Variants in NRG3 observed in about 807,000 individuals in gnomAD.
The protein encoded by NRG3 is pro-neuregulin-3, membrane-bound isoform.
In NRG3, 31 loss-of-function variants were observed where a neutral mutation model predicts 66.9. That is an observed-to-expected ratio of 0.46 (90% CI 0.35 to 0.63). The LOEUF (loss-of-function observed/expected upper bound fraction) is 0.63, where lower values mean the gene tolerates loss of function less well. NRG3 is among the 20% of genes least tolerant of loss of function. The pLI, the probability that NRG3 is intolerant of heterozygous loss-of-function variation, is 0.00. For missense variants in NRG3, 910 were observed against 878.9 expected (o/e 1.04, Z -0.45); for synonymous variants, 393 against 359.4 (o/e 1.09, Z -1.06).
At chr10:82,561,683 A>G (rs1418932586) in intron 2 of NRG3, among the ~76,000 whole-genome samples, 2 of 152,140 alleles carry the variant, frequency 1.3e-5, no homozygotes, top group Admixed American at 6.6e-5. Flanking sequence ...TAACCCTTGA[A>G]TTTCAAGAAA....
chr10:82,468,353 T>TGGAAGTGTCAGACCTTTAGA (rs60250775), intron 2 of NRG3, among the ~76,000 whole-genome samples: 49,023 of 151,022 alleles, frequency 0.32, 9,141 homozygotes, highest in African/African-American at 0.5. Context: ...TGAATTTATA[T>TGGAAGTGTCAGACCTTTAGA]GGAAGTGTCA....
intron 1 of NRG3, among the ~76,000 whole-genome samples, chr10:82,017,084 C>T (rs1443042764): frequency 2.6e-5 from 4 of 152,138 alleles, no homozygotes; most frequent in African/African-American, 9.7e-5. Context: ...TCCCTCTCCC[C>T]TCTCCCCACC....
chr10:82,896,859 A>C (rs1843705017), intron 4 of NRG3, among the ~76,000 whole-genome samples: 1 of 152,226 alleles, frequency 6.6e-6, no homozygotes, highest in Non-Finnish European at 1.5e-5. Flanking sequence ...ATGGAATTGC[A>C]TTTTAAAGAA....
intron 3 of NRG3, among the ~76,000 whole-genome samples, chr10:82,849,548 G>C (rs1281949840): frequency 6.6e-6 from 1 of 152,132 alleles, no homozygotes; most frequent in African/African-American, 2.4e-5. Context: ...ATTGTTAGGA[G>C]TAAAGAAAAG....
At chr10:82,473,664 T>C (rs1841485654) in intron 2 of NRG3, among the ~76,000 whole-genome samples, 1 of 152,152 alleles carries the variant, frequency 6.6e-6, no homozygotes, top group Non-Finnish European at 1.5e-5. Context: ...TTCAGCACAG[T>C]ATGAGGGAGT....
chr10:82,641,621 A>C (rs189638921), intron 2 of NRG3, among the ~76,000 whole-genome samples: 2 of 152,172 alleles, frequency 1.3e-5, no homozygotes, highest in Non-Finnish European at 2.9e-5. Flanking sequence ...CCAGGCACTC[A>C]CAGCATCAGA....
chr10:82,044,330 G>T (rs1247084936), intron 1 of NRG3, among the ~76,000 whole-genome samples: 5 of 151,896 alleles, frequency 3.3e-5, no homozygotes, highest in Non-Finnish European at 4.4e-5. Context: ...CCTAACCGTG[G>T]ACAGGATACC....
intron 1 of NRG3, among the ~76,000 whole-genome samples, chr10:82,355,911 C>T (rs2083752373): frequency 6.6e-6 from 1 of 152,084 alleles, no homozygotes; most frequent in Non-Finnish European, 1.5e-5. Flanking sequence ...ATTATATTGT[C>T]ATTAAAAAGT....
chr10:82,120,588 C>A (rs1331227615), intron 1 of NRG3, among the ~76,000 whole-genome samples: 1 of 151,922 alleles, frequency 6.6e-6, no homozygotes, highest in African/African-American at 2.4e-5. Context: ...TTAAATTTGC[C>A]TGTATACATT....
intron 2 of NRG3, among the ~76,000 whole-genome samples, chr10:82,602,513 G>T (rs1247373318): frequency 6.6e-6 from 1 of 151,952 alleles, no homozygotes; most frequent in Non-Finnish European, 1.5e-5. Context: ...TAGCTTTGAA[G>T]ATAAGTAAAA....
intron 2 of NRG3, among the ~76,000 whole-genome samples, chr10:82,550,337 AG>A (rs2044223432): frequency 6.6e-6 from 1 of 152,176 alleles, no homozygotes; most frequent in Non-Finnish European, 1.5e-5. Flanking sequence ...ATGTTCAGCA[AG>A]GGAAGTCGGG....
intron 1 of NRG3, among the ~76,000 whole-genome samples, chr10:82,152,320 A>G (rs939381599): frequency 6.6e-6 from 1 of 152,180 alleles, no homozygotes; most frequent in African/African-American, 2.4e-5. Flanking sequence ...TTTGTTGCTA[A>G]CTAATTTAAT....
chr10:82,976,064 TA>T (rs1852221631), intron 7 of NRG3, among the ~76,000 whole-genome samples: 1 of 152,180 alleles, frequency 6.6e-6, no homozygotes, highest in Admixed American at 6.5e-5. Context: ...TTTATTATTT[TA>T]TTTTTTTGGA....
intron 1 of NRG3, among the ~76,000 whole-genome samples, chr10:82,116,271 C>A (rs1251086282): frequency 6.6e-6 from 1 of 151,880 alleles, no homozygotes; most frequent in Non-Finnish European, 1.5e-5. Context: ...AGAAAAAAAC[C>A]CTTAAAAGGA....
intron 1 of NRG3, among the ~76,000 whole-genome samples, chr10:81,917,498 T>C (rs1427029683): frequency 1.3e-5 from 2 of 152,214 alleles, no homozygotes; most frequent in Non-Finnish European, 2.9e-5. Flanking sequence ...AAACTATTCC[T>C]GTCCCCTTCA....
intron 1 of NRG3, among the ~76,000 whole-genome samples, chr10:81,961,441 A>C (rs1850350138): frequency 6.6e-6 from 1 of 151,030 alleles, no homozygotes; most frequent in Non-Finnish European, 1.5e-5. Flanking sequence ...CACCGTGACC[A>C]GGCTCTAGCA....
At chr10:82,209,711 G>A (rs1039077192) in intron 1 of NRG3, among the ~76,000 whole-genome samples, 3 of 152,120 alleles carry the variant, frequency 2.0e-5, no homozygotes, top group African/African-American at 7.2e-5. Context: ...AGGATGCTTA[G>A]GAATGTACTT....
chr10:81,931,718 G>A (rs188781326), intron 1 of NRG3, among the ~76,000 whole-genome samples: 88 of 152,206 alleles, frequency 5.8e-4, no homozygotes, highest in South Asian at 2.1e-4. Context: ...GAACCTCATC[G>A]TTCCCCCTTT....
intron 2 of NRG3, among the ~76,000 whole-genome samples, chr10:82,518,779 G>T (rs1845927851): frequency 6.6e-6 from 1 of 152,068 alleles, no homozygotes; most frequent in Non-Finnish European, 1.5e-5. Context: ...TTGTTGGATT[G>T]ATCCTTGATT....
Sources: allele counts gnomAD v4.1 joint callset (sites outside exome capture counted in the v4.1 genomes callset), GRCh38; gene constraint gnomAD v4.1.1; transcripts MANE v1.5; gene names NCBI Gene and HGNC (gene_info 2026-07-23, HGNC 2026-07-21).